Variants in AARS1 observed in about 807,000 individuals in gnomAD.
AARS1 encodes the protein alanyl-tRNA synthetase 1, also known as alanine--tRNA ligase, cytoplasmic.
Under a neutral mutation model 108.9 loss-of-function variants are expected in AARS1, and 72 were observed. The ratio of observed to expected loss-of-function variants is 0.66; its 90% CI spans 0.55 to 0.80. AARS1 has a LOEUF of 0.80. Ranked by LOEUF, AARS1 falls within the 30% of genes least tolerant of loss-of-function variation. The pLI, the probability that AARS1 is intolerant of heterozygous loss-of-function variation, is 0.00. For missense variants in AARS1, 1,193 were observed against 1,233.2 expected (o/e 0.97, Z 0.49); for synonymous variants, 489 against 465.7 (o/e 1.05, Z -0.64).
At chr16:70,274,712 G>A (rs1388787810) in intron 4 of AARS1, among the ~76,000 whole-genome samples, 6 of 143,388 alleles carry the variant, frequency 4.2e-5, no homozygotes, top group Admixed American at 1.4e-4. Context: ...GCGACAGAGC[G>A]AGATTCCATC....
intron 16 of AARS1, among the ~76,000 whole-genome samples, 180 bp from the exon 17 acceptor site, chr16:70,254,914 C>T (rs190043661): frequency 3.3e-5 from 5 of 152,340 alleles, no homozygotes; most frequent in African/African-American, 1.2e-4. Flanking sequence ...GCACAGTGCT[C>T]ACAGGCCCAT....
chr16:70,283,877 C>G (rs963875138), intron 1 of AARS1, among the ~76,000 whole-genome samples: 27 of 152,306 alleles, frequency 1.8e-4, no homozygotes, highest in Non-Finnish European at 7.4e-5. Context: ...AGTGAAAGTA[C>G]AAGGGAACTG....
chr16:70,261,304 T>C lies in AARS1; in HGVS notation c.1672-147A>G, dbSNP rs1181486226. On this transcript the variant is annotated intron_variant, in intron 12 of 20. Coordinates refer to ENST00000261772, the MANE Select transcript of AARS1 (RefSeq NM_001605.3). ...CATACTCCCTTAATATCATTAAATA[T>C]GATTAAATAGGCCAGGTGCAGTGGC... is the stretch of plus-strand genomic sequence containing the variant. 8.3e-6 allele frequency: 5 copies of C among 601,430 alleles called. No homozygotes were observed. The Admixed American group carries it at 9.1e-5, about 11-fold the overall frequency. The allele number at this position is 601,430 out of a possible 1,614,324, so 37.3% of individuals were successfully genotyped here. A position where few individuals can be genotyped will look rare whatever the true frequency, so the allele number is the denominator to read the frequency against.
intron 2 of AARS1, among the ~76,000 whole-genome samples, chr16:70,281,848 T>C (rs1367644062): frequency 6.6e-6 from 1 of 151,408 alleles, no homozygotes; most frequent in African/African-American, 2.4e-5. Flanking sequence ...TGAGACCCTC[T>C]CTCTAAAAAA....
intron 1 of AARS1, among the ~76,000 whole-genome samples, chr16:70,286,609 G>A (rs1277351601): frequency 1.3e-5 from 2 of 151,990 alleles, no homozygotes; most frequent in African/African-American, 2.4e-5. Context: ...AGGTCGAGGC[G>A]GGTGGATCAC....
intron 20 of AARS1, 120 bp downstream of exon 20, chr16:70,253,148 C>T (rs1959884658): frequency 2.1e-6 from 2 of 939,442 alleles, no homozygotes; most frequent in African/African-American, 1.6e-5. Flanking sequence ...GTAAGGGGTA[C>T]TGGCAAAGGT....
rs1206200502 is a variant in AARS1, at chr16:70,270,192, G to A, written c.816+4C>T. On this transcript the variant is annotated splice_donor_region_variant and intron_variant, in intron 6 of 20. Coordinates refer to ENST00000261772, the MANE Select transcript of AARS1 (RefSeq NM_001605.3). ...GTTTACAATGTTTGCAATAGCACCA[G>A]TACCTTCTGAATGGCTTCAAAGTAA... The A allele has an allele frequency of 2.5e-6, 4 of 1,613,980 alleles. No individual in the cohort carries two copies. The highest frequency in any genetic ancestry group is 1.1e-5 in the South Asian group (1 of 91,088).
chr16:70,255,597 G>A (rs1959969083), intron 16 of AARS1, 131 bp downstream of exon 16: 4 of 792,446 alleles, frequency 5.0e-6, no homozygotes, highest in Non-Finnish European at 8.6e-6. Flanking sequence ...ACTGGGGCAG[G>A]GGGAGTGGCC....
intron 11 of AARS1, among the ~76,000 whole-genome samples, chr16:70,264,123 G>A (rs1431811879): frequency 6.6e-6 from 1 of 151,326 alleles, no homozygotes; most frequent in African/African-American, 2.4e-5. Context: ...GTGCGTGGCT[G>A]TAATCCCAGC....
rs140678149 is a variant in AARS1 at position 70,261,107 on chromosome 16, T to C, written c.1722A>G (p.Leu574=). ...GGTCACCGTAGATGGTTCCAATGTG[T>C]AGCACATACCCTCCTCGGACCTGAG... ...KNAQVRGGYV[L]HIGTIYGDLK... is the part of the protein sequence containing the mutation. Residue 574 remains leucine, a synonymous_variant, in exon 13 of 21, where the codon CTA becomes CTG. Coordinates refer to ENST00000261772, the MANE Select transcript of AARS1 (RefSeq NM_001605.3). 57 of 1,613,796 alleles carry C rather than the reference T, an allele frequency of 3.5e-5. No homozygotes were observed. The South Asian group carries it at 5.3e-4, about 15-fold the overall frequency.
intron 9 of AARS1, among the ~76,000 whole-genome samples, chr16:70,266,356 C>T (rs557505362): frequency 4.4e-4 from 67 of 150,982 alleles, no homozygotes; most frequent in Middle Eastern, 3.4e-3. Flanking sequence ...AATTGCCAGG[C>T]GCGGTGGCGG....
intron 18 of AARS1, 35 bp downstream of exon 18, chr16:70,253,884 G>A: frequency 6.2e-7 from 1 of 1,614,198 alleles, no homozygotes; most frequent in Non-Finnish European, 8.5e-7. Context: ...CTTTGCCTAG[G>A]AAACACTCTG....
intron 13 of AARS1, among the ~76,000 whole-genome samples, chr16:70,259,436 G>C (rs1041712056): frequency 5.9e-5 from 9 of 152,152 alleles, no homozygotes; most frequent in African/African-American, 2.2e-4. Context: ...CCACCGCCTA[G>C]AACAGGAATT....
chr16:70,265,542 G>T lies in AARS1; in HGVS notation c.1343C>A (p.Ala448Asp). ...MDGFEEERKL[A>D]QLKSQGKGAG... Reference sequence around the variant, plus strand: ...TTCACTCTCCAAGTTCTTTACCTGGGCCAGTTTCCTCTCCTCTTCAAAGCC... The same window carrying T: ...TTCACTCTCCAAGTTCTTTACCTGGTCCAGTTTCCTCTCCTCTTCAAAGCC... The change falls in exon 10 of 21, where the codon GCC (alanine) becomes GAC (aspartate). Residue 448 changes from alanine to aspartate, a missense_variant. Physicochemically the swap from Ala to Asp is moderately radical, Grantham distance 126 (BLOSUM62 -2). Transcript: ENST00000261772. 2 of 1,613,784 alleles carry T rather than the reference G, an allele frequency of 1.2e-6. No homozygotes were observed. The highest frequency in any genetic ancestry group is 1.7e-6 in the Non-Finnish European group (2 of 1,179,848).
At chr16:70,283,780 C>G (rs1216955743) in intron 1 of AARS1, among the ~76,000 whole-genome samples, 1 of 152,142 alleles carries the variant, frequency 6.6e-6, no homozygotes, top group Non-Finnish European at 1.5e-5. Context: ...CCCCAAGAAC[C>G]CTAACAGCAA....
chr16:70,259,081 G>A lies in AARS1; in HGVS notation c.1891C>T (p.Pro631Ser). Residue 631 changes from proline (P) to serine (S), a missense_variant, in exon 14 of 21, where the codon CCT (proline) becomes TCT (serine). Transcript: ENST00000261772. ...GTAAAGTCAAATCTGAGGCGGTCAG[G>A]AGCAACCAATGAGCCTTTCTGGTCA... ...EADQKGSLVAPDRLRFDFTAK... is the reference protein window; with the variant it reads ...EADQKGSLVASDRLRFDFTAK... 1 of 1,614,192 alleles carries A rather than the reference G, an allele frequency of 6.2e-7. No homozygotes were observed. Among genetic ancestry groups the A allele is most frequent in the Non-Finnish European group, 8.5e-7 (1 of 1,180,034 alleles).
Position 70,258,589 on chromosome 16 carries a change from G to A in AARS1, c.1993-372C>T, listed in dbSNP as rs186633695. On this transcript the variant is annotated intron_variant, in intron 14 of 20. Transcript: ENST00000261772. The stretch of plus-strand genomic sequence containing the variant: ...AACAAACTTTTTTTTTTTTTGAGAC[G>A]GAGTCTCGCTCTGTTTCCCAGGCTA... Among the ~76,000 whole-genome samples the A allele has an allele frequency of 5.6e-3, 855 of 151,380 alleles. 6 individuals carry two copies. The highest frequency in any genetic ancestry group is 0.014 in the Admixed American group (205 of 15,182).
At chr16:70,264,926 T>C (rs745681910) in intron 11 of AARS1, 32 bp downstream of exon 11, 3 of 1,613,738 alleles carry the variant, frequency 1.9e-6, no homozygotes, top group Non-Finnish European at 2.5e-6. Flanking sequence ...CGGGGCAGAA[T>C]GCTCAGATGT....
At position 70,276,956 on chromosome 16, in the gene AARS1, C is replaced by T; in HGVS notation, c.333+10G>A. The T allele has an allele frequency of 1.2e-6, 2 of 1,614,144 alleles. No individual in the cohort carries two copies. Among genetic ancestry groups the T allele is most frequent in the Non-Finnish European group, 1.7e-6 (2 of 1,180,014 alleles). On this transcript the variant is annotated intron_variant, in intron 3 of 20. Coordinates refer to ENST00000261772, the MANE Select transcript of AARS1 (RefSeq NM_001605.3). ...TCAAAACCCTAGTGGTTCTTCTGCT[C>T]TGAACTTACCTTAAAGTAATCTCCA...
Sources: gnomAD v4.1 joint callset for allele counts (sites outside exome capture counted in the v4.1 genomes callset) on GRCh38, gnomAD v4.1.1 for gene constraint, MANE v1.5 for transcripts, NCBI Gene and HGNC (gene_info 2026-07-23, HGNC 2026-07-21) for gene names.